Variants in ZFYVE1 observed in about 807,000 individuals in gnomAD.
ZFYVE1 encodes the protein zinc finger FYVE domain-containing protein 1.
ZFYVE1 carries 30 observed loss-of-function variants against 74.4 expected under a neutral mutation model. That is an observed-to-expected ratio of 0.40 (90% CI 0.30 to 0.55). ZFYVE1 has a LOEUF of 0.55. Ranked by LOEUF, ZFYVE1 falls within the 20% of genes least tolerant of loss-of-function variation. The pLI is 0.42. For synonymous variants in ZFYVE1, 335 were observed against 385.1 expected (o/e 0.87, Z 1.52); for missense variants, 703 against 1,011.6 (o/e 0.69, Z 4.14).
At chr14:73,013,875 G>A (rs1229406199) in intron 2 of ZFYVE1, among the ~76,000 whole-genome samples, 1 of 152,168 alleles carries the variant, frequency 6.6e-6, no homozygotes, top group Admixed American at 6.6e-5. Context: ...TCCTCCCGAA[G>A]TAGGGAAGAC....
At chr14:73,020,764 T>A (rs1218200543) in intron 2 of ZFYVE1, among the ~76,000 whole-genome samples, 1 of 151,738 alleles carries the variant, frequency 6.6e-6, no homozygotes, top group Admixed American at 6.6e-5. Context: ...ATCAATTAGG[T>A]CAGGAGTTGG....
intron 11 of ZFYVE1, among the ~76,000 whole-genome samples, chr14:72,971,605 G>A (rs1893037080): frequency 6.6e-6 from 1 of 152,116 alleles, no homozygotes; most frequent in South Asian, 2.1e-4. Flanking sequence ...TGGGATTGTA[G>A]GCATAACATT....
chr14:73,009,932 A>T (rs1183201858), intron 2 of ZFYVE1, among the ~76,000 whole-genome samples: 1 of 151,928 alleles, frequency 6.6e-6, no homozygotes, highest in Non-Finnish European at 1.5e-5. Flanking sequence ...ATATCATGAG[A>T]CCTCATCTCT....
chr14:72,993,401 T>TAAAAAAA, intron 3 of ZFYVE1, 44 bp from the exon 4 acceptor site: 1 of 1,226,330 alleles, frequency 8.2e-7, no homozygotes, highest in Non-Finnish European at 1.1e-6. Flanking sequence ...GAGTGACATT[T>TAAAAAAA]AAAAAAAAAA....
intron 2 of ZFYVE1, among the ~76,000 whole-genome samples, chr14:73,001,321 T>G (rs1401091195): frequency 6.6e-6 from 1 of 152,200 alleles, no homozygotes; most frequent in Non-Finnish European, 1.5e-5. Flanking sequence ...AATTAGCTTT[T>G]TAGTGGAGAA....
chr14:73,011,203 T>C (rs1412355560), intron 2 of ZFYVE1, among the ~76,000 whole-genome samples: 2 of 150,788 alleles, frequency 1.3e-5, no homozygotes, highest in Non-Finnish European at 2.9e-5. Context: ...GAAACCCATA[T>C]GGCTGGGGAG....
At chr14:73,001,170 T>C (rs112859295) in intron 2 of ZFYVE1, among the ~76,000 whole-genome samples, 1 of 148,746 alleles carries the variant, frequency 6.7e-6, no homozygotes, top group African/African-American at 2.4e-5. Flanking sequence ...ACTGACCTAG[T>C]ATTGGTTGTT....
Position 72,975,956 on chromosome 14 carries a change from A to T in ZFYVE1, c.1636-235T>A. The T allele has an allele frequency of 2.2e-6, 1 of 464,142 alleles. No homozygotes were observed. Among genetic ancestry groups the T allele is most frequent in the Non-Finnish European group, 3.8e-6 (1 of 265,712 alleles). The allele number at this position is 464,142 out of a possible 1,614,324, so 28.8% of individuals were successfully genotyped here. A position where few individuals can be genotyped will look rare whatever the true frequency, so the allele number is the denominator to read the frequency against. On this transcript the variant is annotated intron_variant, in intron 8 of 11. Coordinates refer to ENST00000556143, the MANE Select transcript of ZFYVE1 (RefSeq NM_021260.4). This position sits in a 1 kb window ranked among gnomAD's most constrained non-coding sequence, Gnocchi z 4.1. ...ACTTACTAAGCCCATATAATACAGG[A>T]GATGACACCTCCTCCAGGGGGCCCC...
intron 2 of ZFYVE1, among the ~76,000 whole-genome samples, chr14:73,004,613 T>C (rs1893939277): frequency 6.6e-6 from 1 of 152,108 alleles, no homozygotes; most frequent in Non-Finnish European, 1.5e-5. Flanking sequence ...ATAATACTCC[T>C]GGGAGGAGGA....
At chr14:72,978,632 A>C (rs900696971) in intron 6 of ZFYVE1, among the ~76,000 whole-genome samples, 6 of 151,554 alleles carry the variant, frequency 4.0e-5, no homozygotes, top group South Asian at 2.1e-4. Context: ...CTTACATACA[A>C]GCTCAACAGA....
chr14:72,986,477 A>T (rs113549243), intron 4 of ZFYVE1, among the ~76,000 whole-genome samples: 8 of 17,574 alleles, frequency 4.6e-4, no homozygotes, highest in Non-Finnish European at 1.4e-3. Flanking sequence ...GTAACTGTTA[A>T]AAAAAAAAAA....
chr14:72,977,598 A>G (rs770638605), intron 8 of ZFYVE1, among the ~76,000 whole-genome samples: 13 of 152,214 alleles, frequency 8.5e-5, no homozygotes, highest in Non-Finnish European at 1.5e-4. Context: ...AGCAGGAAAA[A>G]GGCATGTAAA....
intron 8 of ZFYVE1, among the ~76,000 whole-genome samples, chr14:72,976,740 A>G (rs1334246627): frequency 6.7e-6 from 1 of 149,706 alleles, no homozygotes; most frequent in East Asian, 2.0e-4. Flanking sequence ...CCGAGATCAC[A>G]CCACTGCACT....
intron 8 of ZFYVE1, among the ~76,000 whole-genome samples, chr14:72,977,378 G>A (rs1204723828): frequency 6.6e-6 from 1 of 151,864 alleles, no homozygotes; most frequent in Non-Finnish European, 1.5e-5. Context: ...TCTCACCATT[G>A]CACTTCAGCC....
chr14:73,016,241 G>A (rs192238792), intron 2 of ZFYVE1, among the ~76,000 whole-genome samples: 11 of 152,290 alleles, frequency 7.2e-5, no homozygotes, highest in African/African-American at 1.2e-4. Context: ...GGCCGGGCAC[G>A]GTGTTCACGC....
chr14:73,010,208 T>C (rs1894059542), intron 2 of ZFYVE1, among the ~76,000 whole-genome samples: 1 of 152,224 alleles, frequency 6.6e-6, no homozygotes, highest in Non-Finnish European at 1.5e-5. Flanking sequence ...GTCACACCTG[T>C]AATCCCAGAA....
chr14:72,990,116 A>G (rs1269443921), intron 4 of ZFYVE1, among the ~76,000 whole-genome samples: 1 of 152,238 alleles, frequency 6.6e-6, no homozygotes, highest in Non-Finnish European at 1.5e-5. Context: ...TAGAGTGATA[A>G]CCAGAGAATT....
Position 73,023,251 on chromosome 14 carries a change from TTA to T in ZFYVE1, c.483+773_483+774del, listed in dbSNP as rs566223211. ...ATATGTTTTATATGTAATATATATA[TTA>T]TATGTTTTATATATAATATATATTA... On this transcript the variant is annotated intron_variant, in intron 2 of 11. Transcript: ENST00000556143. Among the ~76,000 whole-genome samples, 52 of 93,224 alleles carry T rather than the reference TTA, an allele frequency of 5.6e-4. 1 individual carries two copies. The highest frequency in any genetic ancestry group is 1.6e-3 in the African/African-American group (39 of 23,876). 61.2% of individuals were successfully genotyped at this position (93,224 alleles called of 152,430 possible).
intron 2 of ZFYVE1, among the ~76,000 whole-genome samples, chr14:73,015,709 C>T (rs1465896848): frequency 6.6e-6 from 1 of 152,182 alleles, no homozygotes; most frequent in Non-Finnish European, 1.5e-5. Flanking sequence ...CTGAACTCCA[C>T]TAGAATAACA....
Sources: gnomAD v4.1 joint callset for allele counts (sites outside exome capture counted in the v4.1 genomes callset) on GRCh38, gnomAD v4.1.1 for gene constraint, Gnocchi (gnomAD v3.1) non-coding constraint, MANE v1.5 for transcripts, NCBI Gene and HGNC (gene_info 2026-07-23, HGNC 2026-07-21) for gene names.